Variants in VIPR1 observed in about 807,000 individuals in gnomAD.
VIPR1 encodes the protein vasoactive intestinal polypeptide receptor 1.
In VIPR1, 59 loss-of-function variants were observed where a neutral mutation model predicts 58.8. The observed-to-expected ratio is 1.00, with a 90% CI of 0.81 to 1.25. The LOEUF (loss-of-function observed/expected upper bound fraction) is 1.25. VIPR1 is among the 50% of genes most tolerant of loss of function. The pLI is 0.00. For missense variants in VIPR1, 626 were observed against 602.7 expected (o/e 1.04, Z -0.40); for synonymous variants, 251 against 242.1 (o/e 1.04, Z -0.34).
chr3:42,492,601 C>T (rs1324126202), intron 1 of VIPR1: 1 of 152,386 alleles, frequency 6.6e-6, no homozygotes, highest in Non-Finnish European at 1.5e-5. Context: ...TGTTGTTCTT[C>T]TCCCGGAAAT....
chr3:42,530,925 C>T lies in VIPR1; in HGVS notation c.783C>T (p.Ile261=), dbSNP rs200387870. The T allele has an allele frequency of 6.6e-5, 107 of 1,613,968 alleles. No homozygotes were observed. Among genetic ancestry groups the T allele is most frequent in the Non-Finnish European group, 7.4e-5 (87 of 1,179,890 alleles). Residue 261 remains isoleucine, a synonymous_variant, in exon 7 of 13, where the codon ATC becomes ATT. Coordinates refer to ENST00000325123, the MANE Select transcript of VIPR1 (RefSeq NM_004624.4). ...AGTACTTCTGGGGGTACATACTCATCGGCTGGGGTATGGTACCAGGGAGGG... is the reference window on the plus strand; with the variant it reads ...AGTACTTCTGGGGGTACATACTCATTGGCTGGGGTATGGTACCAGGGAGGG... ...ERKYFWGYIL[I]GWGVPSTFTM...
At chr3:42,527,208 C>G (rs2276829) in intron 4 of VIPR1, among the ~76,000 whole-genome samples, 185 bp from the exon 5 acceptor site, 27,985 of 152,106 alleles carry the variant, frequency 0.18, 2,816 homozygotes, top group East Asian at 0.36. Context: ...CCTGCCCTGT[C>G]TGTAGAAACC....
chr3:42,497,994 G>C (rs1430664017), upstream of VIPR1, among the ~76,000 whole-genome samples: 1 of 152,232 alleles, frequency 6.6e-6, no homozygotes, highest in East Asian at 1.9e-4. Context: ...GGGGTTTTGA[G>C]GGAAGGAGTT....
At chr3:42,510,265 A>G (rs150406383) in intron 1 of VIPR1, among the ~76,000 whole-genome samples, 2,263 of 152,180 alleles carry the variant, frequency 0.015, 22 homozygotes, top group Non-Finnish European at 0.022. Context: ...CACATCCTCC[A>G]TGACCTACCT....
intron 1 of VIPR1, among the ~76,000 whole-genome samples, chr3:42,497,350 C>A (rs1230111946): frequency 6.6e-6 from 1 of 152,182 alleles, no homozygotes; most frequent in Non-Finnish European, 1.5e-5. Context: ...GCTGGCCAAG[C>A]CCTGCTCTCA....
chr3:42,493,113 AT>A (rs1403209879), intron 1 of VIPR1, among the ~76,000 whole-genome samples: 1 of 152,266 alleles, frequency 6.6e-6, no homozygotes, highest in Non-Finnish European at 1.5e-5. Flanking sequence ...GACAAGCCAT[AT>A]TTCCTGAACC....
At chr3:42,512,995 GC>G in intron 1 of VIPR1, 1 of 734,690 alleles carries the variant, frequency 1.4e-6, no homozygotes, top group Non-Finnish European at 1.6e-6. Flanking sequence ...CTGATCCCTG[GC>G]CAGGGTACAG....
At chr3:42,494,437 C>T (rs548912579) in intron 1 of VIPR1, among the ~76,000 whole-genome samples, 1 of 152,262 alleles carries the variant, frequency 6.6e-6, no homozygotes, top group South Asian at 2.1e-4. Context: ...ATGTAACTCT[C>T]TTATAAAACT....
chr3:42,535,262 C>T (rs573189263), intron 11 of VIPR1, 81 bp from the exon 12 acceptor site: 19 of 1,598,756 alleles, frequency 1.2e-5, no homozygotes, highest in Non-Finnish European at 1.5e-5. Context: ...CAGGGGAACA[C>T]AGGGGCTGGA....
At chr3:42,502,893 C>G (rs1699933659) in intron 1 of VIPR1, 80 bp downstream of exon 1, 1 of 1,091,494 alleles carries the variant, frequency 9.2e-7, no homozygotes, top group Non-Finnish European at 1.2e-6. Context: ...TGGCGGGAGC[C>G]GGGCCGTCTG....
At chr3:42,491,927 G>A (rs1255035247) in intron 1 of VIPR1, among the ~76,000 whole-genome samples, 1 of 152,178 alleles carries the variant, frequency 6.6e-6, no homozygotes, top group African/African-American at 2.4e-5. Context: ...ACTGAGATTG[G>A]AGAATGGGGT....
chr3:42,516,299 T>A (rs1377317709), intron 2 of VIPR1, among the ~76,000 whole-genome samples: 1 of 152,172 alleles, frequency 6.6e-6, no homozygotes, highest in Admixed American at 6.5e-5. Flanking sequence ...CAGGAAATAC[T>A]CCCGTTGCCT....
intron 1 of VIPR1, among the ~76,000 whole-genome samples, chr3:42,504,658 GT>G (rs1700023986): frequency 6.7e-6 from 1 of 149,842 alleles, no homozygotes; most frequent in Non-Finnish European, 1.5e-5. Context: ...GGAGTGAGGG[GT>G]CCCTATTTCC....
intron 6 of VIPR1, chr3:42,529,703 C>G (rs1701432607): frequency 6.6e-6 from 1 of 152,174 alleles, no homozygotes; most frequent in Admixed American, 6.5e-5. Context: ...AGACAGTTTC[C>G]TGGTGGAGGG....
chr3:42,495,524 C>T (rs538023881), intron 1 of VIPR1, among the ~76,000 whole-genome samples: 1 of 152,134 alleles, frequency 6.6e-6, no homozygotes, highest in Non-Finnish European at 1.5e-5. Flanking sequence ...CCCAAGATTC[C>T]TGCCTCCTGG....
intron 6 of VIPR1, chr3:42,529,465 A>AAAT (rs1491342620): frequency 7.3e-5 from 2 of 27,506 alleles, no homozygotes; most frequent in Non-Finnish European, 1.1e-4. Flanking sequence ...ACTCCATCTC[A>AAAT]AAAAAAAAAA....
chr3:42,502,535 G>C (rs1234913329), upstream of VIPR1: 2 of 372,216 alleles, frequency 5.4e-6, no homozygotes, highest in Middle Eastern at 1.4e-3. Context: ...CGGCGGCCCC[G>C]CCTCCACCCA....
intron 1 of VIPR1, among the ~76,000 whole-genome samples, chr3:42,503,872 G>A (rs184596840): frequency 6.6e-6 from 1 of 152,232 alleles, no homozygotes; most frequent in Admixed American, 6.5e-5. Context: ...GGGAGGGTGA[G>A]GAATCTTGAT....
At chr3:42,531,688 G>A (rs1332057087) in intron 8 of VIPR1, 115 bp from the exon 9 acceptor site, 10 of 1,548,060 alleles carry the variant, frequency 6.5e-6, no homozygotes, top group Non-Finnish European at 8.9e-6. Context: ...ACAGACTCTG[G>A]GCCCGGGGTT....
Sources: gnomAD v4.1 joint callset for allele counts (sites outside exome capture counted in the v4.1 genomes callset) on GRCh38, gnomAD v4.1.1 for gene constraint, MANE v1.5 for transcripts, NCBI Gene and HGNC (gene_info 2026-07-23, HGNC 2026-07-21) for gene names.